Variants in FBXO41 observed in about 807,000 individuals in gnomAD.
FBXO41 encodes F-box only protein 41.
Under a neutral mutation model 81.6 loss-of-function variants are expected in FBXO41, and 33 were observed. The observed-to-expected ratio is 0.40, with a 90% CI of 0.31 to 0.54. The LOEUF is 0.54. Among genes scored for constraint, FBXO41 ranks in the 20% least tolerant of loss-of-function variants. The pLI is 0.39. For synonymous variants in FBXO41, 576 were observed against 552.7 expected (o/e 1.04, Z -0.59); for missense variants, 1,107 against 1,236.0 (o/e 0.90, Z 1.56).
chr2:73,263,955 C>A lies in FBXO41; in HGVS notation c.1905G>T (p.Glu635Asp). The change falls in exon 7 of 13, where the codon GAG becomes GAT. Residue 635 changes from glutamate to aspartate, a missense_variant. Physicochemically the swap from Glu to Asp is conservative, Grantham distance 45 (BLOSUM62 2). Coordinates refer to ENST00000520530, the MANE Select transcript of FBXO41 (RefSeq NM_001371389.2). Reference sequence around the variant, plus strand: ...GGCCTCACCGGGTGCTCCGGGCATACTCCTCCTTGCTCTCCTTCTTTCCCC... The same window carrying A: ...GGCCTCACCGGGTGCTCCGGGCATAATCCTCCTTGCTCTCCTTCTTTCCCC... ...RQRGKKESKE[E>D]YARSTRGCLE... 1 of 1,609,574 alleles carries A rather than the reference C, an allele frequency of 6.2e-7. No individual in the cohort carries two copies. The highest frequency in any genetic ancestry group is 2.2e-5 in the East Asian group (1 of 44,708).
rs924536091 is a variant in FBXO41 at position 73,268,959 on chromosome 2, C to G, written c.672G>C (p.Glu224Asp). ...EVDRRLERLS[E>D]EVEQKIAGQV... is the part of the protein sequence containing the mutation. Reference sequence around the variant, plus strand: ...GGCCCGCGATCTTCTGCTCCACCTCCTCGCTCAGCCGCTCCAGCCGCCGGT... The same window carrying G: ...GGCCCGCGATCTTCTGCTCCACCTCGTCGCTCAGCCGCTCCAGCCGCCGGT... The change falls in exon 2 of 13, where the codon GAG becomes GAC. Residue 224 changes from glutamate to aspartate, a missense_variant. By Grantham distance (45) the Glu-to-Asp change is conservative. Around this residue, in one of 2 missense-constraint regions of FBXO41, gnomAD observed 771 missense variants for 789.2 expected, o/e 0.98. Transcript: ENST00000520530. 6.5e-7 allele frequency: 1 copy of G among 1,538,592 alleles called. No homozygotes were observed. The highest frequency in any genetic ancestry group is 2.0e-5 in the Admixed American group (1 of 50,968).
intron 8 of FBXO41, 148 bp from the exon 9 acceptor site, chr2:73,263,456 TTA>T: frequency 1.3e-6 from 1 of 772,890 alleles, no homozygotes; most frequent in Non-Finnish European, 2.0e-6. Context: ...CCGTCTCCAT[TTA>T]AAAAAAAAAA....
intron 5 of FBXO41, among the ~76,000 whole-genome samples, chr2:73,264,731 A>C (rs1354505232): frequency 6.6e-6 from 1 of 152,168 alleles, no homozygotes; most frequent in Admixed American, 6.5e-5. Context: ...TCCCTTGTGT[A>C]AACTTCCTTT....
In FBXO41 at chr2:73,266,470, C is replaced by T; in HGVS notation, c.1118G>A (p.Gly373Asp). The stretch of plus-strand genomic sequence containing the variant: ...GTGGGCACTCACCATTCTGCCTGGG[C>T]CCCGGGCATTGGGTCCAGCACCACC... Reference protein sequence around the residue: ...GGGGAGPNARGPGRMREHHVG... With the variant: ...GGGGAGPNARDPGRMREHHVG... The change falls in exon 3 of 13, where the codon GGC (glycine) becomes GAC (aspartate). Residue 373 changes from glycine to aspartate, a missense_variant. This residue lies in a region of FBXO41 where 771 missense variants were observed against 789.2 expected (regional missense o/e 0.98). Transcript: ENST00000520530. The surrounding 1 kb of genome is among the most constrained non-coding windows in gnomAD (Gnocchi z 5.3). The T allele has an allele frequency of 6.6e-7, 1 of 1,523,704 alleles. No individual in the cohort carries two copies. Among genetic ancestry groups the T allele is most frequent in the East Asian group, 2.5e-5 (1 of 39,994 alleles). 94.4% of individuals were successfully genotyped at this position (1,523,704 alleles called of 1,614,324 possible).
intron 2 of FBXO41, among the ~76,000 whole-genome samples, chr2:73,268,231 G>T (rs942371027): frequency 6.6e-5 from 10 of 152,198 alleles, no homozygotes; most frequent in African/African-American, 2.4e-4. Flanking sequence ...GTTCAAGAGA[G>T]AAAGTGAGGA....
chr2:73,265,134 TG>T, intron 5 of FBXO41, 147 bp downstream of exon 5: 1 of 744,178 alleles, frequency 1.3e-6, no homozygotes, highest in Non-Finnish European at 2.1e-6. Flanking sequence ...ACTGCAGCCC[TG>T]CCCTGTCACA....
At chr2:73,263,041 G>C (rs780608836) in intron 9 of FBXO41, among the ~76,000 whole-genome samples, 172 bp downstream of exon 9, 2 of 152,106 alleles carry the variant, frequency 1.3e-5, no homozygotes, top group African/African-American at 2.4e-5. Flanking sequence ...TACCGTGCTC[G>C]ACCAACCAGG....
chr2:73,268,933 T>A lies in FBXO41; in HGVS notation c.698A>T (p.Gln233Leu). ...CAGCTCGGCCTGCAGCCGGCCCACC[T>A]GGCCCGCGATCTTCTGCTCCACCTC... Reference protein sequence around the residue: ...SEEVEQKIAGQVGRLQAELER... With the variant: ...SEEVEQKIAGLVGRLQAELER... The change falls in exon 2 of 13, where the codon CAG becomes CTG. Residue 233 changes from glutamine (Q) to leucine (L), a missense_variant. By Grantham distance (113) the Gln-to-Leu change is moderately radical (BLOSUM62 -2). This residue lies in a region of FBXO41 where 771 missense variants were observed against 789.2 expected (regional missense o/e 0.98). Coordinates refer to ENST00000520530, the MANE Select transcript of FBXO41 (RefSeq NM_001371389.2). The A allele has an allele frequency of 6.5e-7, 1 of 1,540,242 alleles. No homozygotes were observed. The highest frequency in any genetic ancestry group is 8.7e-7 in the Non-Finnish European group (1 of 1,146,234).
At position 73,255,572 on chromosome 2, in the gene FBXO41, T is replaced by G. The variant is rs1687775500; in HGVS notation, c.*3410A>C. On this transcript the variant is annotated 3_prime_UTR_variant, in exon 13 of 13. Coordinates refer to ENST00000520530, the MANE Select transcript of FBXO41 (RefSeq NM_001371389.2). ...GTTAACTTCTCTGGGCATTTGGGCC[T>G]TACACCCACTCACCATCTCCTGTTT... The G allele has an allele frequency of 6.6e-6, 1 of 152,580 alleles. No individual in the cohort carries two copies. Among genetic ancestry groups the G allele is most frequent in the African/African-American group, 2.4e-5 (1 of 41,420 alleles). 9.5% of individuals were successfully genotyped at this position (152,580 alleles called of 1,614,324 possible).
intron 1 of FBXO41, among the ~76,000 whole-genome samples, chr2:73,274,367 T>C (rs925603332): frequency 6.6e-6 from 1 of 152,252 alleles, no homozygotes; most frequent in Admixed American, 6.5e-5. Context: ...TATTTTCTTA[T>C]CGATTTACAA....
rs1410651305 is a variant in FBXO41, at chr2:73,266,678, C to T, written c.910G>A (p.Val304Met). Residue 304 changes from valine (V) to methionine (M), a missense_variant, in exon 3 of 13, where the codon GTG (valine) becomes ATG (methionine). Physicochemically the swap from Val to Met is conservative, Grantham distance 21. Around this residue, in one of 2 missense-constraint regions of FBXO41, gnomAD observed 771 missense variants for 789.2 expected, o/e 0.98. Transcript: ENST00000520530. The surrounding 1 kb of genome is among the most constrained non-coding windows in gnomAD (Gnocchi z 5.3). ...TTCAGGAACTGGTCGATCTGCACCA[C>T]CTCCCTGGGCCCAGAGCAGTCTCTT... Reference protein sequence around the residue: ...EQELSRKQQEVVQIDQFLKET... With the variant: ...EQELSRKQQEMVQIDQFLKET... 3.2e-6 allele frequency: 5 copies of T among 1,580,014 alleles called. No homozygotes were observed. In the South Asian group the frequency reaches 5.8e-5, roughly 18 times the overall value.
At chr2:73,267,846 A>G (rs1024427483) in intron 2 of FBXO41, among the ~76,000 whole-genome samples, 1 of 151,746 alleles carries the variant, frequency 6.6e-6, no homozygotes, top group African/African-American at 2.4e-5. Flanking sequence ...GATCTCATGT[A>G]ATTTGTTGAA....
In FBXO41 at chr2:73,266,364, C is replaced by T. The variant is rs917817622; in HGVS notation, c.1131+93G>A. 34 of 1,357,954 alleles carry T rather than the reference C, an allele frequency of 2.5e-5. No homozygotes were observed. Among genetic ancestry groups the T allele is most frequent in the Middle Eastern group, 2.7e-4 (1 of 3,740 alleles). 84.1% of individuals were successfully genotyped at this position (1,357,954 alleles called of 1,614,324 possible). A position where few individuals can be genotyped will look rare whatever the true frequency, so the allele number is the denominator to read the frequency against. ...GTAAAAGCCAAAGAAGGGGCGAATG[C>T]GGCATCATGGGGGAGATGTCCAGCC... On this transcript the variant is annotated intron_variant, in intron 3 of 12. Transcript: ENST00000520530. This position sits in a 1 kb window ranked among gnomAD's most constrained non-coding sequence, Gnocchi z 5.3.
At chr2:73,265,172 C>A in intron 5 of FBXO41, 110 bp downstream of exon 5, 2 of 1,027,488 alleles carry the variant, frequency 1.9e-6, no homozygotes, top group East Asian at 2.6e-5. Flanking sequence ...GCTTGAAGGG[C>A]GCTATGTAGG....
chr2:73,270,690 G>T, intron 1 of FBXO41: 1 of 436,350 alleles, frequency 2.3e-6, no homozygotes, highest in Middle Eastern at 7.2e-4. Context: ...CACCCCTTTT[G>T]GCACAAGGTC....
At position 73,260,899 on chromosome 2, in the gene FBXO41, A is replaced by G. The variant is rs1279963601; in HGVS notation, c.2172-41T>C. ...GGGGAGCCGTCAGGGAAGTCTCTGGATGCTTGATAACCCAGCATGCTCCTC... is the reference window on the plus strand; with the variant it reads ...GGGGAGCCGTCAGGGAAGTCTCTGGGTGCTTGATAACCCAGCATGCTCCTC... On this transcript the variant is annotated intron_variant, in intron 9 of 12. Coordinates refer to ENST00000520530, the MANE Select transcript of FBXO41 (RefSeq NM_001371389.2). The surrounding 1 kb of genome is among the most constrained non-coding windows in gnomAD (Gnocchi z 5.0). The G allele has an allele frequency of 6.7e-7, 1 of 1,503,522 alleles. No homozygotes were observed. Among genetic ancestry groups the G allele is most frequent in the East Asian group, 2.5e-5 (1 of 40,536 alleles). The allele number at this position is 1,503,522 out of a possible 1,614,324, so 93.1% of individuals were successfully genotyped here.
In FBXO41 at chr2:73,266,807, A is replaced by G. The variant is rs1353072002; in HGVS notation, c.906-125T>C. 4 of 1,385,968 alleles carry G rather than the reference A, an allele frequency of 2.9e-6. No individual in the cohort carries two copies. The highest frequency in any genetic ancestry group is 3.7e-6 in the Non-Finnish European group (4 of 1,071,740). The allele number at this position is 1,385,968 out of a possible 1,614,324, so 85.9% of individuals were successfully genotyped here. A position where few individuals can be genotyped will look rare whatever the true frequency, so the allele number is the denominator to read the frequency against. On this transcript the variant is annotated intron_variant, in intron 2 of 12. Transcript: ENST00000520530. The surrounding 1 kb of genome is among the most constrained non-coding windows in gnomAD (Gnocchi z 5.3). The stretch of plus-strand genomic sequence containing the variant: ...GCCTGCGGTGTCTGCTTATGGTCAC[A>G]TGGGTTCCTGCAGAACAGGCCTAGC...
rs969153404 is a variant in FBXO41, at chr2:73,266,234, G to A, written c.1131+223C>T. The stretch of plus-strand genomic sequence containing the variant: ...GCAGGGATGGGCAGAGATAGCCCCC[G>A]AGGGCTGGGGCCACCGAATCACATC... On this transcript the variant is annotated intron_variant, in intron 3 of 12. Coordinates refer to ENST00000520530, the MANE Select transcript of FBXO41 (RefSeq NM_001371389.2). The surrounding 1 kb of genome is among the most constrained non-coding windows in gnomAD (Gnocchi z 5.3). 5.3e-5 allele frequency among the ~76,000 whole-genome samples: 8 copies of A among 152,176 alleles called. No homozygotes were observed. The highest frequency in any genetic ancestry group is 1.3e-4 in the Admixed American group (2 of 15,286).
chr2:73,266,943 A>T lies in FBXO41; in HGVS notation c.906-261T>A, dbSNP rs374815180. 2.6e-5 allele frequency: 12 copies of T among 459,598 alleles called. No individual in the cohort carries two copies. The highest frequency in any genetic ancestry group is 2.4e-4 in the African/African-American group (12 of 49,116). The allele number at this position is 459,598 out of a possible 1,614,324, so 28.5% of individuals were successfully genotyped here. The stretch of plus-strand genomic sequence containing the variant: ...CCTGCTCTCCACAGAAATACTGCAC[A>T]CCCTGCTCTCCACAGAAATAATCAG... On this transcript the variant is annotated intron_variant, in intron 2 of 12. Transcript: ENST00000520530. The surrounding 1 kb of genome is among the most constrained non-coding windows in gnomAD (Gnocchi z 5.3).
Sources: allele counts gnomAD v4.1 joint callset (sites outside exome capture counted in the v4.1 genomes callset), GRCh38; gene constraint gnomAD v4.1.1; regional missense constraint gnomAD v4.1.1; non-coding constraint Gnocchi (gnomAD v3.1); transcripts MANE v1.5; gene names NCBI Gene and HGNC (gene_info 2026-07-23, HGNC 2026-07-21).